The following ARHGAP30 variants were observed in gnomAD, a reference collection of about 807,000 sequenced individuals.
The protein encoded by ARHGAP30 is Rho GTPase activating protein 30, also known as rho GTPase-activating protein 30.
A neutral mutation model predicts 72.0 loss-of-function variants in ARHGAP30; 23 were observed. That is an observed-to-expected ratio of 0.32 (90% CI 0.23 to 0.45). ARHGAP30 has a LOEUF of 0.45. Ranked by LOEUF, ARHGAP30 falls within the 20% of genes least tolerant of loss-of-function variation. The probability of loss-of-function intolerance (pLI) is 1.00; values close to 1 mark genes in which losing one functional copy is unlikely to be tolerated. For missense variants in ARHGAP30, 1,319 were observed against 1,383.4 expected (o/e 0.95, Z 0.74); for synonymous variants, 576 against 528.2 (o/e 1.09, Z -1.24).
chr1:161,054,870 T>C (rs2102044056), intron 3 of ARHGAP30, among the ~76,000 whole-genome samples, 165 bp from the exon 4 acceptor site: 1 of 152,314 alleles, frequency 6.6e-6, no homozygotes, highest in African/African-American at 2.4e-5. Context: ...AGCTCAGAAT[T>C]GGGGTCCACG....
Position 161,049,485 on chromosome 1 carries a change from G to A in ARHGAP30, c.1625C>T (p.Ser542Phe). 12 of 1,614,024 alleles carry A rather than the reference G, an allele frequency of 7.4e-6. No individual in the cohort carries two copies. Among genetic ancestry groups the A allele is most frequent in the Admixed American group, 1.7e-5 (1 of 60,022 alleles). Residue 542 changes from serine to phenylalanine, a missense_variant, in exon 11 of 12, where the codon TCC (serine) becomes TTC (phenylalanine). Ser to Phe is a radical substitution (Grantham distance 155). Coordinates refer to ENST00000368013, the MANE Select transcript of ARHGAP30 (RefSeq NM_001025598.2). ...AQAEAAGAAFSPGEDDPGMGY... is the reference protein window; with the variant it reads ...AQAEAAGAAFFPGEDDPGMGY... ...CATCCCAGGGTCGTCCTCCCCAGGG[G>A]AGAAGGCTGCTCCTGCTGCTTCTGC...
intron 5 of ARHGAP30, among the ~76,000 whole-genome samples, chr1:161,053,610 C>T (rs1442791518): frequency 6.6e-6 from 1 of 152,132 alleles, no homozygotes; most frequent in Non-Finnish European, 1.5e-5. Flanking sequence ...CTTGGACACC[C>T]GCCTCAGGAT....
At position 161,049,144 on chromosome 1, in the gene ARHGAP30, A is replaced by C. The variant is rs1168101249; in HGVS notation, c.1877T>G (p.Ile626Ser). The C allele has an allele frequency of 4.3e-6, 7 of 1,614,026 alleles. No individual in the cohort carries two copies. The South Asian group carries it at 7.7e-5, about 18-fold the overall frequency. Residue 626 changes from isoleucine (I) to serine (S), a missense_variant, in exon 12 of 12, where the codon ATC becomes AGC. Ile to Ser is a moderately radical substitution (Grantham distance 142, BLOSUM62 -2). Transcript: ENST00000368013. ...LSPLLGPKPP[I>S]WKGSGSLEGE... ...CTCCAGACTCCCTGAACCCTTCCAG[A>C]TTGGGGGTTTAGGTCCCAGAAGGGG...
chr1:161,059,282 G>A (rs1361732928), intron 2 of ARHGAP30, among the ~76,000 whole-genome samples: 1 of 151,686 alleles, frequency 6.6e-6, no homozygotes, highest in Non-Finnish European at 1.5e-5. Flanking sequence ...ACCCACTTCA[G>A]CCTCCCAGAG....
intron 1 of ARHGAP30, among the ~76,000 whole-genome samples, chr1:161,064,387 A>T (rs936231047): frequency 7.9e-5 from 12 of 152,248 alleles, no homozygotes; most frequent in African/African-American, 2.7e-4. Context: ...GAGATTTAAC[A>T]GAGAATATTG....
chr1:161,051,557 G>A lies in ARHGAP30; in HGVS notation c.1177C>T (p.Arg393Trp), dbSNP rs765956977. ...NSEPGTPRAG[R>W]SAIRAGGSSR... Reference sequence around the variant, plus strand: ...CTGCCCCCAGCCCGGATGGCTGACCGCCCAGCTCGTGGTGTGCCTGGTTCA... The same window carrying A: ...CTGCCCCCAGCCCGGATGGCTGACCACCCAGCTCGTGGTGTGCCTGGTTCA... The change falls in exon 10 of 12, where the codon CGG becomes TGG. Residue 393 changes from arginine to tryptophan, a missense_variant. Arg to Trp is a moderately radical substitution (Grantham distance 101, BLOSUM62 -3). Coordinates refer to ENST00000368013, the MANE Select transcript of ARHGAP30 (RefSeq NM_001025598.2). The A allele has an allele frequency of 2.2e-5, 35 of 1,613,974 alleles. No individual in the cohort carries two copies. Among genetic ancestry groups the A allele is most frequent in the African/African-American group, 5.3e-5 (4 of 74,948 alleles).
At chr1:161,049,864 C>A (rs1651221132) in intron 10 of ARHGAP30, among the ~76,000 whole-genome samples, 175 bp from the exon 11 acceptor site, 1 of 152,126 alleles carries the variant, frequency 6.6e-6, no homozygotes, top group Non-Finnish European at 1.5e-5. Context: ...TAATTGAGAC[C>A]CTACCAGGTG....
chr1:161,068,907 C>A (rs1304418258), intron 1 of ARHGAP30, among the ~76,000 whole-genome samples: 1 of 152,094 alleles, frequency 6.6e-6, no homozygotes, highest in Non-Finnish European at 1.5e-5. Flanking sequence ...TCTCCCCTTG[C>A]CCCCCACTTT....
intron 3 of ARHGAP30, among the ~76,000 whole-genome samples, chr1:161,055,579 C>T (rs1287366713): frequency 6.6e-6 from 1 of 151,834 alleles, no homozygotes; most frequent in Non-Finnish European, 1.5e-5. Flanking sequence ...CACTTGAGGT[C>T]AGGGATTCAA....
chr1:161,063,909 G>T (rs12084390), intron 1 of ARHGAP30, among the ~76,000 whole-genome samples: 1 of 152,132 alleles, frequency 6.6e-6, no homozygotes, highest in African/African-American at 2.4e-5. Context: ...GGAAACTCTC[G>T]CCTAATAAAT....
chr1:161,066,914 C>T (rs146879378), intron 1 of ARHGAP30, among the ~76,000 whole-genome samples: 1,730 of 152,224 alleles, frequency 0.011, 21 homozygotes, highest in Non-Finnish European at 0.015. Context: ...TAAGCCAACT[C>T]TTTTGACTCA....
rs762092211 is a variant in ARHGAP30 at position 161,059,730 on chromosome 1, C to T, written c.98-14G>A. ...GCACCTGGGGCACTGGGGACACAGA[C>T]GGGGCAGAGACATAGAAATCAGAGG... On this transcript the variant is annotated splice_polypyrimidine_tract_variant and intron_variant, in intron 1 of 11. Transcript: ENST00000368013. 3.2e-5 allele frequency: 51 copies of T among 1,606,402 alleles called. No individual in the cohort carries two copies. Among genetic ancestry groups the T allele is most frequent in the African/African-American group, 1.5e-4 (11 of 74,710 alleles).
rs758468847 is a variant in ARHGAP30, at chr1:161,051,658, C to G, written c.1076G>C (p.Ser359Thr). Residue 359 changes from serine (S) to threonine (T), a missense_variant, in exon 10 of 12, where the codon AGC (serine) becomes ACC (threonine). Ser to Thr is a moderately conservative substitution (Grantham distance 58). Around this residue, in one of 2 missense-constraint regions of ARHGAP30, gnomAD observed 1,097 missense variants for 1,045.2 expected, o/e 1.05. Transcript: ENST00000368013. ...TGCCTCTATAGAATCGTTCTCCAAGCTCTCAGGCAGCAATGGGCTTGGCCG... is the reference window on the plus strand; with the variant it reads ...TGCCTCTATAGAATCGTTCTCCAAGGTCTCAGGCAGCAATGGGCTTGGCCG... The part of the protein sequence containing the change: ...SPRPSPLLPE[S>T]LENDSIEAAE... 1 of 1,612,922 alleles carries G rather than the reference C, an allele frequency of 6.2e-7. No homozygotes were observed. The highest frequency in any genetic ancestry group is 8.5e-7 in the Non-Finnish European group (1 of 1,179,996).
chr1:161,054,628 G>C lies in ARHGAP30; in HGVS notation c.423C>G (p.Asn141Lys). 2 of 1,614,092 alleles carry C rather than the reference G, an allele frequency of 1.2e-6. No individual in the cohort carries two copies. The highest frequency in any genetic ancestry group is 1.7e-6 in the Non-Finnish European group (2 of 1,180,024). ...AGATATGGAGTGTCACATACCTGTA[G>C]TTTGGGACAGGGAGTTCCCGAAGCA... ...LEVLRELPVP[N>K]YRTLEFLMRH... Residue 141 changes from asparagine to lysine, a missense_variant, in exon 4 of 12, where the codon AAC becomes AAG. Asn to Lys is a moderately conservative substitution (Grantham distance 94). This residue lies in a region of ARHGAP30 where 222 missense variants were observed against 338.2 expected (regional missense o/e 0.66). Coordinates refer to ENST00000368013, the MANE Select transcript of ARHGAP30 (RefSeq NM_001025598.2).
chr1:161,064,779 A>AAAAGAAAGAAAGAAAGAAAGAAAG (rs201614477), intron 1 of ARHGAP30, among the ~76,000 whole-genome samples: 22 of 98,150 alleles, frequency 2.2e-4, no homozygotes, highest in Non-Finnish European at 3.3e-4. Flanking sequence ...GAAAGAAAGA[A>AAAAGAAAGAAAGAAAGAAAGAAAG]AAAGAAAGAA....
At chr1:161,060,017 C>T (rs1262320465) in intron 1 of ARHGAP30, 1 of 343,656 alleles carries the variant, frequency 2.9e-6, no homozygotes, top group Non-Finnish European at 5.7e-6. Context: ...TGCAGTGGCT[C>T]ACCCCTGTAA....
At chr1:161,054,130 T>C (rs542228197) in intron 5 of ARHGAP30, among the ~76,000 whole-genome samples, 1 of 152,276 alleles carries the variant, frequency 6.6e-6, no homozygotes, top group Non-Finnish European at 1.5e-5. Context: ...AGTGACACAC[T>C]GTAGGAAAAC....
At chr1:161,051,126 A>C (rs1266209480) in intron 10 of ARHGAP30, among the ~76,000 whole-genome samples, 188 bp downstream of exon 10, 3 of 152,198 alleles carry the variant, frequency 2.0e-5, no homozygotes, top group African/African-American at 7.2e-5. Context: ...CTCTCCATAG[A>C]TTTCACATAG....
rs762754956 is a variant in ARHGAP30 at position 161,059,731 on chromosome 1, G to A, written c.98-15C>T. 3.6e-5 allele frequency: 58 copies of A among 1,603,966 alleles called. No individual in the cohort carries two copies. Among genetic ancestry groups the A allele is most frequent in the Admixed American group, 1.5e-4 (9 of 58,778 alleles). On this transcript the variant is annotated splice_polypyrimidine_tract_variant and intron_variant, in intron 1 of 11. Coordinates refer to ENST00000368013, the MANE Select transcript of ARHGAP30 (RefSeq NM_001025598.2). ...CACCTGGGGCACTGGGGACACAGACGGGGCAGAGACATAGAAATCAGAGGA... is the reference window on the plus strand; with the variant it reads ...CACCTGGGGCACTGGGGACACAGACAGGGCAGAGACATAGAAATCAGAGGA...
Sources: gnomAD v4.1 joint callset for allele counts (sites outside exome capture counted in the v4.1 genomes callset) on GRCh38, gnomAD v4.1.1 for gene constraint, gnomAD v4.1.1 regional missense constraint, MANE v1.5 for transcripts, NCBI Gene and HGNC (gene_info 2026-07-23, HGNC 2026-07-21) for gene names.